Variants in CDIN1 observed in about 807,000 individuals in gnomAD.
CDIN1 encodes CDAN1 interacting nuclease 1.
CDIN1 carries 33 observed loss-of-function variants against 45.3 expected under a neutral mutation model. The ratio of observed to expected loss-of-function variants is 0.73; its 90% CI spans 0.55 to 0.97. The LOEUF (loss-of-function observed/expected upper bound fraction) is 0.97. CDIN1 is among the 50% of genes least tolerant of loss of function. The probability of loss-of-function intolerance (pLI) is 0.00; values close to 1 mark genes in which losing one functional copy is unlikely to be tolerated. For synonymous variants in CDIN1, 118 were observed against 124.4 expected (o/e 0.95, Z 0.34); for missense variants, 303 against 339.4 (o/e 0.89, Z 0.84).
At position 36,588,276 on chromosome 15, in the gene CDIN1, T is replaced by G. The variant is rs966530525; in HGVS notation, c.101+8315T>G. Reference sequence around the variant, plus strand: ...CCTAAATTCACTGATTTTTAAGAATTGAGGGAGCATTGCAATGCATAATTA... The same window carrying G: ...CCTAAATTCACTGATTTTTAAGAATGGAGGGAGCATTGCAATGCATAATTA... On this transcript the variant is annotated intron_variant, in intron 1 of 10. Transcript: ENST00000566621. Among the ~76,000 whole-genome samples, 5 of 3,068 alleles carry G rather than the reference T, an allele frequency of 1.6e-3. No individual in the cohort carries two copies. The East Asian group carries it at 0.15, about 92-fold the overall frequency. 2.0% of individuals were successfully genotyped at this position (3,068 alleles called of 152,430 possible).
intron 7 of CDIN1, 128 bp downstream of exon 7, chr15:36,692,303 C>G (rs1458086190): frequency 1.2e-6 from 1 of 839,316 alleles, no homozygotes; most frequent in East Asian, 2.7e-5. Context: ...ATTTTACATT[C>G]AATCAACTGG....
At chr15:36,628,481 A>G (rs1240404709) in intron 1 of CDIN1, among the ~76,000 whole-genome samples, 2 of 152,198 alleles carry the variant, frequency 1.3e-5, no homozygotes, top group Non-Finnish European at 2.9e-5. Context: ...TGAAGCTGCT[A>G]TAAAAATTTG....
intron 1 of CDIN1, among the ~76,000 whole-genome samples, chr15:36,600,353 G>A (rs776568808): frequency 3.3e-5 from 5 of 152,178 alleles, no homozygotes; most frequent in Non-Finnish European, 5.9e-5. Context: ...GTTTTCATCA[G>A]TATGAAGGCG....
intron 1 of CDIN1, among the ~76,000 whole-genome samples, chr15:36,589,207 A>C (rs1480268172): frequency 6.6e-6 from 1 of 152,106 alleles, no homozygotes; most frequent in Non-Finnish European, 1.5e-5. Context: ...TATTGGTTGA[A>C]TTTTCCTTAG....
chr15:36,580,626 C>T (rs1424111726), intron 1 of CDIN1, among the ~76,000 whole-genome samples: 2 of 152,166 alleles, frequency 1.3e-5, no homozygotes, highest in Non-Finnish European at 2.9e-5. Flanking sequence ...TTAGAATTAT[C>T]CAACTTTCTA....
chr15:36,774,129 CAG>C (rs1491166678), intron 10 of CDIN1, among the ~76,000 whole-genome samples: 10 of 126,402 alleles, frequency 7.9e-5, no homozygotes, highest in Middle Eastern at 3.4e-3. Flanking sequence ...AAGTAACTGA[CAG>C]GGGTGTGTGT....
intron 8 of CDIN1, among the ~76,000 whole-genome samples, chr15:36,699,758 T>C (rs1267034791): frequency 6.6e-6 from 1 of 152,218 alleles, no homozygotes; most frequent in Non-Finnish European, 1.5e-5. Flanking sequence ...TAAATGTCCT[T>C]GGTTCATAAC....
At chr15:36,765,055 T>G (rs1218252571) in intron 10 of CDIN1, among the ~76,000 whole-genome samples, 5 of 86,872 alleles carry the variant, frequency 5.8e-5, no homozygotes, top group Non-Finnish European at 1.2e-4. Context: ...TTATTTTTCT[T>G]TCTTTCTTTT....
Position 36,579,933 on chromosome 15 carries a change from C to T in CDIN1, c.73C>T (p.Leu25=). The T allele has an allele frequency of 6.2e-7, 1 of 1,613,820 alleles. No individual in the cohort carries two copies. Among genetic ancestry groups the T allele is most frequent in the Non-Finnish European group, 8.5e-7 (1 of 1,179,826 alleles). Reference sequence around the variant, plus strand: ...GTCTGTGCCGCCTACCAGGCAGAGCCTGAGGAAGCTGAAGCAGAGGTTTCC... The same window carrying T: ...GTCTGTGCCGCCTACCAGGCAGAGCTTGAGGAAGCTGAAGCAGAGGTTTCC... The part of the protein sequence containing the change: ...LVSVPPTRQS[L]RKLKQRFPSQ... The change falls in exon 1 of 11, where the codon CTG becomes TTG. Residue 25 remains leucine (L), a synonymous_variant. Coordinates refer to ENST00000566621, the MANE Select transcript of CDIN1 (RefSeq NM_001321759.2).
intron 8 of CDIN1, among the ~76,000 whole-genome samples, chr15:36,703,914 A>C (rs140012662): frequency 1.8e-4 from 27 of 152,230 alleles, no homozygotes; most frequent in African/African-American, 6.0e-4. Flanking sequence ...TGGAATTGGA[A>C]AGGGCTCTAG....
chr15:36,703,137 G>C (rs1416643222), intron 8 of CDIN1, among the ~76,000 whole-genome samples: 2 of 146,472 alleles, frequency 1.4e-5, no homozygotes, highest in East Asian at 2.1e-4. Context: ...AGAATTGCTT[G>C]AGCCTGGGAG....
At chr15:36,795,883 A>T (rs2054781715) in intron 10 of CDIN1, among the ~76,000 whole-genome samples, 1 of 151,984 alleles carries the variant, frequency 6.6e-6, no homozygotes, top group African/African-American at 2.4e-5. Context: ...CTTATTTTTC[A>T]AGGCAGAAAT....
At chr15:36,770,422 T>C in intron 10 of CDIN1, among the ~76,000 whole-genome samples, 1 of 147,308 alleles carries the variant, frequency 6.8e-6, no homozygotes, top group East Asian at 1.9e-4. Context: ...AAACACAATC[T>C]CTTTCTGATG....
chr15:36,808,241 CATCTT>C (rs1309542208), intron 10 of CDIN1, 78 bp from the exon 11 acceptor site: 7 of 1,556,596 alleles, frequency 4.5e-6, no homozygotes, highest in East Asian at 2.3e-5. Flanking sequence ...GTCATTTAAT[CATCTT>C]ATCAGTGCCC....
chr15:36,686,516 A>G (rs2042052605), intron 5 of CDIN1, among the ~76,000 whole-genome samples: 1 of 150,934 alleles, frequency 6.6e-6, no homozygotes, highest in Non-Finnish European at 1.5e-5. Flanking sequence ...ATATGTAACT[A>G]ACCTGCACAA....
chr15:36,607,291 A>G (rs534385498), intron 1 of CDIN1, among the ~76,000 whole-genome samples: 2 of 152,314 alleles, frequency 1.3e-5, no homozygotes, highest in African/African-American at 4.8e-5. Context: ...ATTGTGTTCA[A>G]TGGAAATAAC....
chr15:36,637,611 C>G (rs1018998533), intron 1 of CDIN1, among the ~76,000 whole-genome samples: 4 of 152,146 alleles, frequency 2.6e-5, no homozygotes, highest in Admixed American at 1.3e-4. Context: ...AATTCTTCTC[C>G]TGCATTTATA....
intron 10 of CDIN1, among the ~76,000 whole-genome samples, chr15:36,753,567 T>C (rs1241969249): frequency 6.6e-6 from 1 of 151,538 alleles, no homozygotes; most frequent in Non-Finnish European, 1.5e-5. Context: ...TTTTTATCAA[T>C]GGTATTTGCA....
chr15:36,761,270 G>A lies in CDIN1; in HGVS notation c.717-47054G>A, dbSNP rs557417026. ...CTCCTGCCCACTTTCCTGTGCCTTT[G>A]TTATAGCTGTCACTGTAGATTGTTT... On this transcript the variant is annotated intron_variant, in intron 10 of 10. Coordinates refer to ENST00000566621, the MANE Select transcript of CDIN1 (RefSeq NM_001321759.2). Among the ~76,000 whole-genome samples the A allele has an allele frequency of 2.8e-3, 427 of 152,190 alleles. 2 individuals carry two copies. Among genetic ancestry groups the A allele is most frequent in the African/African-American group, 9.5e-3 (394 of 41,538 alleles).
Sources: gnomAD v4.1 joint callset for allele counts (sites outside exome capture counted in the v4.1 genomes callset) on GRCh38, gnomAD v4.1.1 for gene constraint, MANE v1.5 for transcripts, NCBI Gene and HGNC (gene_info 2026-07-23, HGNC 2026-07-21) for gene names.